Variants in GLDC observed in about 807,000 individuals in gnomAD.
The protein encoded by GLDC is glycine decarboxylase, also known as glycine dehydrogenase (decarboxylating), mitochondrial.
GLDC carries 104 observed loss-of-function variants against 121.3 expected under a neutral mutation model. The observed-to-expected ratio is 0.86, with a 90% CI of 0.73 to 1.01. The LOEUF (loss-of-function observed/expected upper bound fraction) is 1.01. Ranked by LOEUF, GLDC falls within the 50% of genes least tolerant of loss-of-function variation. The pLI is 0.00. For synonymous variants in GLDC, 546 were observed against 480.6 expected (o/e 1.14, Z -1.78); for missense variants, 1,429 against 1,306.6 (o/e 1.09, Z -1.44).
rs1170827596 is a variant in GLDC at position 6,613,726 on chromosome 9, G to A, written c.471-3370C>T. Among the ~76,000 whole-genome samples the A allele has an allele frequency of 3.3e-5, 5 of 152,146 alleles. No individual in the cohort carries two copies. In the South Asian group the frequency reaches 1.0e-3, roughly 32 times the overall value. On this transcript the variant is annotated intron_variant, in intron 3 of 24. Transcript: ENST00000321612. ...GTTAAGATCTTTATCTTTGTCTAAG[G>A]ATACATTCTTAGAAGTAGAATTCCA...
intron 15 of GLDC, among the ~76,000 whole-genome samples, chr9:6,571,280 T>C (rs531835025): frequency 1.2e-4 from 18 of 152,072 alleles, no homozygotes; most frequent in Non-Finnish European, 2.2e-4. Flanking sequence ...ACCCAGTGGG[T>C]GCCTGAAACC....
intron 8 of GLDC, among the ~76,000 whole-genome samples, chr9:6,598,015 A>G (rs1207404954): frequency 6.6e-6 from 1 of 152,148 alleles, no homozygotes; most frequent in Non-Finnish European, 1.5e-5. Flanking sequence ...AAATTTATAG[A>G]AAAAATTGTT....
chr9:6,576,704 T>G (rs1355266504), intron 15 of GLDC, among the ~76,000 whole-genome samples: 1 of 152,164 alleles, frequency 6.6e-6, no homozygotes, highest in South Asian at 2.1e-4. Flanking sequence ...TGATCTCAGG[T>G]GATCCGCCTG....
chr9:6,601,705 G>C (rs190807863), intron 8 of GLDC, among the ~76,000 whole-genome samples: 1 of 152,024 alleles, frequency 6.6e-6, no homozygotes. Flanking sequence ...GCTCACTGCA[G>C]CCTCAACCTC....
At chr9:6,634,629 T>C (rs113080160) in intron 2 of GLDC, among the ~76,000 whole-genome samples, 3,774 of 152,184 alleles carry the variant, frequency 0.025, 150 homozygotes, top group African/African-American at 0.086. Context: ...GGAAAACTAA[T>C]GCAGACTCAT....
At chr9:6,548,607 C>G (rs1158746578) in intron 21 of GLDC, among the ~76,000 whole-genome samples, 2 of 152,268 alleles carry the variant, frequency 1.3e-5, no homozygotes, top group East Asian at 3.9e-4. Context: ...AAGATCACAG[C>G]TATAGAGCTA....
intron 2 of GLDC, among the ~76,000 whole-genome samples, chr9:6,626,029 C>T (rs7874313): frequency 1.2e-4 from 19 of 152,134 alleles, no homozygotes; most frequent in African/African-American, 4.3e-4. Context: ...AAATGCCACC[C>T]CTCTGCCTGC....
At chr9:6,604,980 T>C (rs1563856913) in intron 6 of GLDC, 151 bp downstream of exon 6, 1 of 933,664 alleles carries the variant, frequency 1.1e-6, no homozygotes, top group South Asian at 1.4e-5. Context: ...CAGAAAAAAG[T>C]AGCAGCAAGG....
intron 15 of GLDC, among the ~76,000 whole-genome samples, chr9:6,572,816 G>C (rs577575747): frequency 8.5e-5 from 13 of 152,250 alleles, no homozygotes; most frequent in Non-Finnish European, 2.9e-5. Context: ...TTTTTCTGCT[G>C]AAGTTAATGC....
At chr9:6,603,084 C>T (rs1299676545) in intron 7 of GLDC, among the ~76,000 whole-genome samples, 1 of 151,780 alleles carries the variant, frequency 6.6e-6, no homozygotes, top group Non-Finnish European at 1.5e-5. Flanking sequence ...AAAAATTAGC[C>T]AGACATGGTG....
chr9:6,638,336 T>A (rs1819552272), intron 2 of GLDC, among the ~76,000 whole-genome samples: 1 of 151,962 alleles, frequency 6.6e-6, no homozygotes, highest in Non-Finnish European at 1.5e-5. Flanking sequence ...GGCCTCAGCG[T>A]CCCAAGTAGC....
At position 6,536,188 on chromosome 9, in the gene GLDC, A is replaced by C. The variant is rs188269735; in HGVS notation, c.2714T>G (p.Val905Gly). Residue 905 changes from valine (V) to glycine (G), a missense_variant, in exon 23 of 25, where the codon GTG becomes GGG. Coordinates refer to ENST00000321612, the MANE Select transcript of GLDC (RefSeq NM_000170.3). ...CTTGTCCTCCGACTCAGTGGGCTCC[A>C]CCATGAGGGTCCCTGCCACAGGCCA... is the stretch of plus-strand genomic sequence containing the variant. ...MSWPVAGTLM[V>G]EPTESEDKAE... The C allele has an allele frequency of 4.6e-5, 75 of 1,613,942 alleles. No homozygotes were observed. The Admixed American group carries it at 5.0e-4, about 11-fold the overall frequency.
intron 9 of GLDC, among the ~76,000 whole-genome samples, chr9:6,593,487 G>C (rs1344636751): frequency 6.6e-6 from 1 of 151,676 alleles, no homozygotes; most frequent in Non-Finnish European, 1.5e-5. Flanking sequence ...ATTTTTTGAA[G>C]ACAGTGATCT....
chr9:6,543,597 T>G (rs989572350), intron 21 of GLDC, among the ~76,000 whole-genome samples: 1 of 152,190 alleles, frequency 6.6e-6, no homozygotes, highest in African/African-American at 2.4e-5. Context: ...ATCCATACTC[T>G]ATTGCGTTCA....
chr9:6,591,292 ACT>A (rs1343398441), intron 11 of GLDC, among the ~76,000 whole-genome samples: 1 of 151,988 alleles, frequency 6.6e-6, no homozygotes, highest in Non-Finnish European at 1.5e-5. Context: ...GGTCTAGATA[ACT>A]CCTGCTTATC....
intron 15 of GLDC, among the ~76,000 whole-genome samples, chr9:6,579,677 T>C (rs1304332852): frequency 1.3e-5 from 2 of 151,968 alleles, no homozygotes; most frequent in African/African-American, 4.9e-5. Flanking sequence ...TTGAAACTCA[T>C]GGTTTTAGTT....
chr9:6,603,789 G>A (rs907087423), intron 7 of GLDC, among the ~76,000 whole-genome samples: 2 of 148,746 alleles, frequency 1.3e-5, no homozygotes, highest in African/African-American at 2.5e-5. Context: ...GAGTGAGGCA[G>A]CGCGATCTCG....
At chr9:6,633,732 C>G (rs1587981857) in intron 2 of GLDC, among the ~76,000 whole-genome samples, 1 of 151,426 alleles carries the variant, frequency 6.6e-6, no homozygotes, top group Non-Finnish European at 1.5e-5. Flanking sequence ...ACCAGCCTGG[C>G]CAACACAGCA....
At chr9:6,582,805 G>A (rs1165870562) in intron 15 of GLDC, among the ~76,000 whole-genome samples, 1 of 151,550 alleles carries the variant, frequency 6.6e-6, no homozygotes, top group Non-Finnish European at 1.5e-5. Flanking sequence ...CTCCAGTCTG[G>A]GCGACAGAGC....
Sources: allele counts gnomAD v4.1 joint callset (sites outside exome capture counted in the v4.1 genomes callset), GRCh38; gene constraint gnomAD v4.1.1; transcripts MANE v1.5; gene names NCBI Gene and HGNC (gene_info 2026-07-23, HGNC 2026-07-21).